Variants in PTH2R observed in about 807,000 individuals in gnomAD.
The protein encoded by PTH2R is parathyroid hormone 2 receptor.
PTH2R carries 59 observed loss-of-function variants against 60.3 expected under a neutral mutation model. The observed-to-expected ratio is 0.98, with a 90% confidence interval of 0.79 to 1.22. The LOEUF (loss-of-function observed/expected upper bound fraction) is 1.22. Ranked by LOEUF, PTH2R falls within the 50% of genes most tolerant of loss-of-function variation. The probability of loss-of-function intolerance (pLI) is 0.00; values close to 1 mark genes in which losing one functional copy is unlikely to be tolerated. For missense variants in PTH2R, 749 were observed against 682.6 expected, an observed-to-expected ratio of 1.10 and a Z score of -1.08; for synonymous variants, 256 against 243.8, an observed-to-expected ratio of 1.05 and a Z score of -0.47.
intron 9 of PTH2R, among the ~76,000 whole-genome samples, chr2:208,471,643 A>G (rs1437315620): frequency 6.6e-6 from 1 of 152,258 alleles, no homozygotes; most frequent in Non-Finnish European, 1.5e-5. Flanking sequence ...CAAGGCCCTC[A>G]TGGAGAACCT....
chr2:208,393,747 G>A (rs1424877451), intron 1 of PTH2R, among the ~76,000 whole-genome samples: 1 of 152,188 alleles, frequency 6.6e-6, no homozygotes, highest in Non-Finnish European at 1.5e-5. Context: ...TATACCTACA[G>A]GGGTCATCAG....
upstream of PTH2R, among the ~76,000 whole-genome samples, chr2:208,402,568 A>T (rs1285272774): frequency 1.3e-5 from 2 of 152,222 alleles, no homozygotes; most frequent in South Asian, 2.1e-4. Context: ...AAACAACTAG[A>T]TTGACATTTT....
rs1703449510 is a variant in PTH2R, at chr2:208,493,301, A to AT, written c.1295_1296insT (p.Leu433ProfsTer55). ...GTGAAGAAGATGTGGAGTCGGTGGA[A>AT]CCTCTCCGTGGACTGGAAAAGGACA... On this transcript the variant is annotated frameshift_variant, in exon 13 of 13. Transcript: ENST00000272847. LOFTEE classifies it low-confidence loss of function (END_TRUNC). 2 of 1,522,000 alleles carry AT rather than the reference A, an allele frequency of 1.3e-6. No homozygotes were observed. Among genetic ancestry groups the AT allele is most frequent in the South Asian group, 1.3e-5 (1 of 76,576 alleles). 94.3% of individuals were successfully genotyped at this position (1,522,000 alleles called of 1,614,324 possible).
intron 8 of PTH2R, among the ~76,000 whole-genome samples, chr2:208,457,163 A>G (rs1702531519): frequency 6.6e-6 from 1 of 152,254 alleles, no homozygotes; most frequent in African/African-American, 2.4e-5. Flanking sequence ...AAGTGAATCA[A>G]TGTTCAATTT....
At chr2:208,378,116 A>T (rs969217131) in intron 1 of PTH2R, among the ~76,000 whole-genome samples, 8 of 152,010 alleles carry the variant, frequency 5.3e-5, no homozygotes, top group Non-Finnish European at 1.0e-4. Flanking sequence ...TCCGTCTGCA[A>T]TCCCGGCACC....
intron 7 of PTH2R, among the ~76,000 whole-genome samples, chr2:208,447,150 T>C (rs768047649): frequency 6.6e-6 from 1 of 152,150 alleles, no homozygotes; most frequent in Non-Finnish European, 1.5e-5. Context: ...TTCTTATTAT[T>C]TGTTAGAGAT....
chr2:208,387,690 C>G (rs754849069), intron 1 of PTH2R, among the ~76,000 whole-genome samples: 1 of 152,178 alleles, frequency 6.6e-6, no homozygotes, highest in Non-Finnish European at 1.5e-5. Context: ...TTTTGCTTCT[C>G]TATTATACCA....
In PTH2R at chr2:208,407,097, C is replaced by T. The variant is rs200415935; in HGVS notation, c.54C>T (p.Ser18=). Residue 18 remains serine (S), a synonymous_variant, in exon 1 of 13, where the codon AGC becomes AGT. Transcript: ENST00000272847. ...TCTGGGGTTGGCTAATGCTCGGCAG[C>T]TGCCTCCTGGCCAGAGCCCAGGTAA... ...LHVWGWLMLG[S]CLLARAQLDS... 4.4e-5 allele frequency: 61 copies of T among 1,396,432 alleles called. No individual in the cohort carries two copies. The Admixed American group carries it at 1.4e-3, about 32-fold the overall frequency. 86.5% of individuals were successfully genotyped at this position (1,396,432 alleles called of 1,614,324 possible).
chr2:208,388,134 C>CCCA (rs1553540989), intron 1 of PTH2R, among the ~76,000 whole-genome samples: 3 of 110,402 alleles, frequency 2.7e-5, no homozygotes, highest in Non-Finnish European at 5.7e-5. Context: ...ATGGTGAAAC[C>CCCA]CCCCCCCCCG....
At chr2:208,458,275 C>G (rs1455495855) in intron 8 of PTH2R, among the ~76,000 whole-genome samples, 1 of 152,108 alleles carries the variant, frequency 6.6e-6, no homozygotes, top group East Asian at 1.9e-4. Flanking sequence ...ACAGTGATCT[C>G]TGCCCATGTA....
intron 1 of PTH2R, among the ~76,000 whole-genome samples, chr2:208,365,952 A>C (rs1224922740): frequency 5.2e-5 from 1 of 19,410 alleles, no homozygotes; most frequent in Non-Finnish European, 9.1e-5. Flanking sequence ...ATATATATAT[A>C]TATATATATT....
intron 1 of PTH2R, among the ~76,000 whole-genome samples, chr2:208,389,230 AC>A: frequency 3.8e-5 from 1 of 26,212 alleles, no homozygotes; most frequent in Non-Finnish European, 9.5e-5. Context: ...AAATGCATAC[AC>A]ACACACACAC....
In PTH2R at chr2:208,443,536, A is replaced by G; in HGVS notation, c.698A>G (p.Tyr233Cys). Reference sequence around the variant, plus strand: ...GCAACTTCTGTGGACAAATCACAATATGTAAGTGTTTTCACCATTTTCTCT... The same window carrying G: ...GCAACTTCTGTGGACAAATCACAATGTGTAAGTGTTTTCACCATTTTCTCT... ...IEATSVDKSQ[Y>C]IGCKIAVVMF... Residue 233 changes from tyrosine (Y) to cysteine (C), a missense_variant and splice_region_variant, in exon 6 of 13, where the codon TAT becomes TGT. By Grantham distance (194) the Tyr-to-Cys change is radical. Transcript: ENST00000272847. 1.3e-6 allele frequency: 2 copies of G among 1,593,682 alleles called. No homozygotes were observed. The highest frequency in any genetic ancestry group is 2.2e-5 in the East Asian group (1 of 44,612).
At chr2:208,457,686 G>C (rs1702541980) in intron 8 of PTH2R, among the ~76,000 whole-genome samples, 1 of 152,204 alleles carries the variant, frequency 6.6e-6, no homozygotes, top group African/African-American at 2.4e-5. Context: ...TCTGTAAGGA[G>C]AGGGATGGGG....
At chr2:208,476,659 A>G (rs1703010982) in intron 9 of PTH2R, among the ~76,000 whole-genome samples, 1 of 152,224 alleles carries the variant, frequency 6.6e-6, no homozygotes, top group Non-Finnish European at 1.5e-5. Flanking sequence ...AAGCCAATAC[A>G]TGGGGTGAGC....
chr2:208,470,100 T>G lies in PTH2R; in HGVS notation c.981+10139T>G, dbSNP rs1454591919. 6 of 152,358 alleles carry G rather than the reference T, an allele frequency of 3.9e-5. No homozygotes were observed. The East Asian group carries it at 1.2e-3, about 29-fold the overall frequency. 9.4% of individuals were successfully genotyped at this position (152,358 alleles called of 1,614,324 possible). On this transcript the variant is annotated intron_variant, in intron 9 of 12. Coordinates refer to ENST00000272847, the MANE Select transcript of PTH2R (RefSeq NM_005048.4). The stretch of plus-strand genomic sequence containing the variant: ...GACACAAAAATACAGATTGGGAAAT[T>G]GAGCAGACTTACTCTTGGGTACTTA...
intron 10 of PTH2R, among the ~76,000 whole-genome samples, chr2:208,484,145 A>G (rs923165956): frequency 2.0e-5 from 3 of 152,230 alleles, no homozygotes; most frequent in African/African-American, 7.2e-5. Flanking sequence ...GGTGGCATCT[A>G]AAACAGTTAC....
At chr2:208,377,810 C>A (rs1362860380) in intron 1 of PTH2R, among the ~76,000 whole-genome samples, 7 of 149,488 alleles carry the variant, frequency 4.7e-5, no homozygotes, top group Non-Finnish European at 8.9e-5. Context: ...GCATCTCAGA[C>A]GATGGGCGGC....
chr2:208,362,730 T>A (rs986777355), intron 1 of PTH2R, among the ~76,000 whole-genome samples: 1 of 152,194 alleles, frequency 6.6e-6, no homozygotes, highest in Non-Finnish European at 1.5e-5. Flanking sequence ...CTACTTTTAA[T>A]TTTTTGAGGA....
Sources: gnomAD v4.1 joint callset for allele counts (sites outside exome capture counted in the v4.1 genomes callset) on GRCh38, gnomAD v4.1.1 for gene constraint, MANE v1.5 for transcripts, NCBI Gene and HGNC (gene_info 2026-07-23, HGNC 2026-07-21) for gene names.